PRKN: variants seen among roughly 807,000 people sequenced by gnomAD.
PRKN encodes E3 ubiquitin-protein ligase parkin.
Under a neutral mutation model 59.5 loss-of-function variants are expected in PRKN, and 56 were observed. The ratio of observed to expected loss-of-function variants is 0.94; its 90% CI spans 0.76 to 1.18. The LOEUF (loss-of-function observed/expected upper bound fraction) is 1.18, where lower values mean the gene tolerates loss of function less well. Ranked by LOEUF, PRKN falls within the 50% of genes most tolerant of loss-of-function variation. The pLI is 0.00. For missense variants in PRKN, 657 were observed against 596.4 expected (o/e 1.10, Z -1.06); for synonymous variants, 250 against 222.1 (o/e 1.13, Z -1.12).
At chr6:162,635,061 G>A (rs1396357770) in intron 1 of PRKN, among the ~76,000 whole-genome samples, 2 of 152,138 alleles carry the variant, frequency 1.3e-5, no homozygotes, top group Non-Finnish European at 2.9e-5. Context: ...TCTTAATTCT[G>A]CCTATACCAA....
chr6:162,600,622 G>C (rs1781669872), intron 1 of PRKN, among the ~76,000 whole-genome samples: 2 of 152,138 alleles, frequency 1.3e-5, no homozygotes, highest in East Asian at 3.9e-4. Context: ...CCCAATTTTG[G>C]AAGTGGGGCC....
intron 4 of PRKN, among the ~76,000 whole-genome samples, chr6:162,132,391 C>G (rs1266350298): frequency 6.6e-6 from 1 of 152,096 alleles, no homozygotes; most frequent in Non-Finnish European, 1.5e-5. Context: ...ATACCAGAGG[C>G]AGCAAGGCAC....
chr6:161,476,116 G>C (rs2115216993), intron 9 of PRKN, among the ~76,000 whole-genome samples: 1 of 151,836 alleles, frequency 6.6e-6, no homozygotes, highest in Non-Finnish European at 1.5e-5. Flanking sequence ...GGACCCGGGA[G>C]GCGGAGCTTG....
intron 4 of PRKN, among the ~76,000 whole-genome samples, chr6:162,188,485 T>C (rs1384257335): frequency 2.0e-5 from 3 of 152,192 alleles, no homozygotes; most frequent in Non-Finnish European, 4.4e-5. Flanking sequence ...CTACAGTCAG[T>C]ACTGGATCAA....
chr6:162,276,696 TG>T (rs1780650601), intron 2 of PRKN, among the ~76,000 whole-genome samples: 1 of 148,202 alleles, frequency 6.7e-6, no homozygotes, highest in Non-Finnish European at 1.5e-5. Context: ...AGCTGGTGTG[TG>T]TGTGTGTGTC....
At chr6:161,682,553 G>C (rs982133914) in intron 7 of PRKN, among the ~76,000 whole-genome samples, 3 of 152,036 alleles carry the variant, frequency 2.0e-5, no homozygotes, top group Admixed American at 6.5e-5. Flanking sequence ...GAGGGGCTGC[G>C]GGGAGCAGGC....
intron 9 of PRKN, among the ~76,000 whole-genome samples, chr6:161,536,556 T>G (rs1779422278): frequency 6.6e-6 from 1 of 152,202 alleles, no homozygotes; most frequent in Non-Finnish European, 1.5e-5. Context: ...AACTTACCCC[T>G]GCCAGCTGCC....
chr6:161,368,902 C>T (rs564291666), intron 10 of PRKN, among the ~76,000 whole-genome samples: 13 of 152,298 alleles, frequency 8.5e-5, no homozygotes, highest in African/African-American at 3.1e-4. Flanking sequence ...ACCAAGAAGG[C>T]CCTTGGAGTT....
chr6:162,466,846 T>C (rs1237488379), intron 1 of PRKN, among the ~76,000 whole-genome samples: 1 of 152,080 alleles, frequency 6.6e-6, no homozygotes, highest in Non-Finnish European at 1.5e-5. Flanking sequence ...TGGATTTGGG[T>C]AATTCATCAC....
At chr6:162,099,920 G>T (rs184946340) in intron 4 of PRKN, among the ~76,000 whole-genome samples, 3 of 151,980 alleles carry the variant, frequency 2.0e-5, no homozygotes, top group Non-Finnish European at 4.4e-5. Flanking sequence ...ACACCTCCCC[G>T]CCCACACACA....
At chr6:161,809,842 G>A (rs1791489526) in intron 6 of PRKN, among the ~76,000 whole-genome samples, 1 of 152,098 alleles carries the variant, frequency 6.6e-6, no homozygotes, top group African/African-American at 2.4e-5. Flanking sequence ...TGTTAAACTG[G>A]CTTCAAATTA....
intron 4 of PRKN, among the ~76,000 whole-genome samples, chr6:162,152,537 A>G (rs1782316937): frequency 6.6e-6 from 1 of 152,236 alleles, no homozygotes; most frequent in Admixed American, 6.5e-5. Flanking sequence ...AGTAGTTTAC[A>G]GTTCTTCCAC....
chr6:162,095,960 C>T (rs1779709990), intron 4 of PRKN, among the ~76,000 whole-genome samples: 1 of 152,186 alleles, frequency 6.6e-6, no homozygotes, highest in Non-Finnish European at 1.5e-5. Context: ...AACAGCATTC[C>T]ATCTGCAGAA....
intron 6 of PRKN, among the ~76,000 whole-genome samples, chr6:161,834,446 C>A (rs976997923): frequency 1.3e-5 from 2 of 152,060 alleles, no homozygotes; most frequent in Non-Finnish European, 2.9e-5. Flanking sequence ...AAATAGCCTG[C>A]GGTAACTAGG....
intron 6 of PRKN, among the ~76,000 whole-genome samples, chr6:161,889,196 G>T: frequency 6.6e-6 from 1 of 152,112 alleles, no homozygotes; most frequent in East Asian, 1.9e-4. Context: ...GCAGAGATGT[G>T]GGGTATCTGA....
chr6:161,380,990 G>A (rs1031505098), intron 10 of PRKN, among the ~76,000 whole-genome samples: 3 of 152,104 alleles, frequency 2.0e-5, no homozygotes, highest in African/African-American at 7.2e-5. Flanking sequence ...CCAGCATGGG[G>A]CTATGTGTCA....
chr6:162,063,721 T>G (rs980134820), intron 4 of PRKN, among the ~76,000 whole-genome samples: 2 of 152,160 alleles, frequency 1.3e-5, no homozygotes, highest in Non-Finnish European at 2.9e-5. Context: ...ATTTTTGAAT[T>G]TTTAGTAGAG....
intron 1 of PRKN, among the ~76,000 whole-genome samples, chr6:162,707,284 A>C (rs997453212): frequency 2.0e-5 from 3 of 152,202 alleles, no homozygotes; most frequent in Non-Finnish European, 4.4e-5. Context: ...ATTCAAATTA[A>C]GTTATGTGAC....
At chr6:162,237,886 C>T (rs1778809493) in intron 3 of PRKN, among the ~76,000 whole-genome samples, 1 of 152,096 alleles carries the variant, frequency 6.6e-6, no homozygotes. Flanking sequence ...CAGTCTCAGT[C>T]CAGGGACCAG....
Sources: gnomAD v4.1 joint callset for allele counts (sites outside exome capture counted in the v4.1 genomes callset) on GRCh38, gnomAD v4.1.1 for gene constraint, MANE v1.5 for transcripts, NCBI Gene and HGNC (gene_info 2026-07-23, HGNC 2026-07-21) for gene names.